The following NLGN1 variants were observed in gnomAD, a reference collection of about 807,000 sequenced individuals.
The protein encoded by NLGN1 is neuroligin-1.
NLGN1 carries 12 observed loss-of-function variants against 65.5 expected under a neutral mutation model. That is an observed-to-expected ratio of 0.18 (90% CI 0.12 to 0.30). The LOEUF is 0.30. Among genes scored for constraint, NLGN1 ranks in the 10% least tolerant of loss-of-function variants. NLGN1 has a pLI of 1.00. For synonymous variants in NLGN1, 350 were observed against 359.5 expected (o/e 0.97, Z 0.30); for missense variants, 750 against 1,007.1 (o/e 0.74, Z 3.46).
chr3:173,658,012 T>C (rs986095794), intron 3 of NLGN1, among the ~76,000 whole-genome samples: 1 of 151,824 alleles, frequency 6.6e-6, no homozygotes, highest in Admixed American at 6.6e-5. Flanking sequence ...GGGAAAAAAA[T>C]AGGTTTTAGG....
intron 2 of NLGN1, among the ~76,000 whole-genome samples, chr3:173,498,137 T>C (rs1347546602): frequency 2.0e-5 from 3 of 151,674 alleles, no homozygotes; most frequent in Non-Finnish European, 2.9e-5. Flanking sequence ...ATGTGCCATG[T>C]TGGTGTGCTG....
At chr3:173,474,722 G>A (rs963245754) in intron 2 of NLGN1, among the ~76,000 whole-genome samples, 6 of 152,156 alleles carry the variant, frequency 3.9e-5, no homozygotes, top group Non-Finnish European at 8.8e-5. Flanking sequence ...CACTTTGGGA[G>A]GCCGAGGTGG....
intron 4 of NLGN1, among the ~76,000 whole-genome samples, chr3:174,222,654 T>C (rs1738877417): frequency 6.6e-6 from 1 of 152,162 alleles, no homozygotes; most frequent in African/African-American, 2.4e-5. Context: ...AGTCAATATA[T>C]CTGGCAAAAT....
chr3:173,906,885 A>C (rs895325074), intron 4 of NLGN1, among the ~76,000 whole-genome samples: 14 of 150,170 alleles, frequency 9.3e-5, no homozygotes, highest in African/African-American at 3.2e-4. Context: ...AAACAAAAAA[A>C]AAAAAAAAAA....
chr3:173,442,160 A>G (rs1429100136), intron 2 of NLGN1, among the ~76,000 whole-genome samples: 2 of 152,136 alleles, frequency 1.3e-5, no homozygotes, highest in Non-Finnish European at 2.9e-5. Context: ...TAAATCTGTT[A>G]CGCAGTTTTC....
At chr3:173,718,558 TAGAA>T (rs1770270301) in intron 3 of NLGN1, among the ~76,000 whole-genome samples, 1 of 152,126 alleles carries the variant, frequency 6.6e-6, no homozygotes, top group African/African-American at 2.4e-5. Flanking sequence ...TTATAATCCT[TAGAA>T]GGTAGGTAGG....
the NLGN1 span, among the ~76,000 whole-genome samples, chr3:174,293,131 T>G: frequency 6.6e-6 from 1 of 151,630 alleles, no homozygotes; most frequent in African/African-American, 2.4e-5. Context: ...GTAATAAAAT[T>G]ATAAAGGACA....
At chr3:173,886,892 G>T (rs1469040473) in intron 4 of NLGN1, among the ~76,000 whole-genome samples, 1 of 151,958 alleles carries the variant, frequency 6.6e-6, no homozygotes, top group Non-Finnish European at 1.5e-5. Context: ...CTATAAAATA[G>T]ACTAAATATA....
At chr3:174,249,146 A>T (rs1298611314) in intron 4 of NLGN1, among the ~76,000 whole-genome samples, 2 of 152,224 alleles carry the variant, frequency 1.3e-5, no homozygotes. Context: ...AGATATTAAA[A>T]ACATACCTTT....
intron 4 of NLGN1, among the ~76,000 whole-genome samples, chr3:174,253,067 G>A (rs1200697125): frequency 6.6e-6 from 1 of 152,122 alleles, no homozygotes; most frequent in Non-Finnish European, 1.5e-5. Flanking sequence ...TTCTAACAGA[G>A]GGAAAATAGT....
intron 3 of NLGN1, among the ~76,000 whole-genome samples, chr3:173,775,296 T>C (rs1780147141): frequency 1.3e-5 from 2 of 152,186 alleles, no homozygotes; most frequent in Admixed American, 1.3e-4. Context: ...TTTATGTTTT[T>C]TCATTACTCT....
chr3:173,598,784 G>A (rs916372839), intron 2 of NLGN1, among the ~76,000 whole-genome samples: 1 of 152,146 alleles, frequency 6.6e-6, no homozygotes, highest in Admixed American at 6.6e-5. Flanking sequence ...TTGTCTACAA[G>A]AAGTTTCCTG....
intron 2 of NLGN1, among the ~76,000 whole-genome samples, chr3:173,558,585 C>G (rs1742119917): frequency 6.6e-6 from 1 of 152,124 alleles, no homozygotes; most frequent in Non-Finnish European, 1.5e-5. Flanking sequence ...AGGACCTACC[C>G]CATTCAGTTC....
chr3:174,181,821 A>C (rs1416737568), intron 4 of NLGN1, among the ~76,000 whole-genome samples: 3 of 150,592 alleles, frequency 2.0e-5, no homozygotes, highest in African/African-American at 7.4e-5. Flanking sequence ...GTATGTACAC[A>C]CAAAACTTAG....
chr3:173,826,214 T>C (rs1311905904), intron 4 of NLGN1, among the ~76,000 whole-genome samples: 1 of 152,080 alleles, frequency 6.6e-6, no homozygotes, highest in Admixed American at 6.6e-5. Flanking sequence ...TAGAAAACTC[T>C]TGATCAACTG....
chr3:174,198,118 TA>T (rs1553960709), intron 4 of NLGN1, among the ~76,000 whole-genome samples: 1 of 152,186 alleles, frequency 6.6e-6, no homozygotes, highest in Non-Finnish European at 1.5e-5. Flanking sequence ...TAATCATCTA[TA>T]ATATAATCAT....
intron 4 of NLGN1, among the ~76,000 whole-genome samples, chr3:174,127,579 C>A (rs1167891115): frequency 6.6e-6 from 1 of 152,112 alleles, no homozygotes; most frequent in Non-Finnish European, 1.5e-5. Context: ...ATACTACCTT[C>A]ACCTGAAATG....
chr3:174,021,618 T>C (rs184198431), intron 4 of NLGN1, among the ~76,000 whole-genome samples: 1 of 152,272 alleles, frequency 6.6e-6, no homozygotes, highest in Non-Finnish European at 1.5e-5. Flanking sequence ...TTCCTCTCTG[T>C]ATTCAAGTGA....
chr3:173,796,983 T>C (rs1714231169), intron 3 of NLGN1, among the ~76,000 whole-genome samples: 1 of 152,162 alleles, frequency 6.6e-6, no homozygotes, highest in Non-Finnish European at 1.5e-5. Flanking sequence ...ATTACATCAG[T>C]TCTAACAGTT....
Sources: allele counts gnomAD v4.1 joint callset (sites outside exome capture counted in the v4.1 genomes callset), GRCh38; gene constraint gnomAD v4.1.1; transcripts MANE v1.5; gene names NCBI Gene and HGNC (gene_info 2026-07-23, HGNC 2026-07-21).